The following ST6GAL1 variants were observed in gnomAD, a reference collection of about 807,000 sequenced individuals.
ST6GAL1 encodes ST6 beta-galactoside alpha-2,6-sialyltransferase 1, also known as beta-galactoside alpha-2,6-sialyltransferase 1.
ST6GAL1 carries 20 observed loss-of-function variants against 38.0 expected under a neutral mutation model. The observed-to-expected ratio is 0.53, with a 90% confidence interval of 0.37 to 0.77. The LOEUF is 0.77. Ranked by LOEUF, ST6GAL1 falls within the 30% of genes least tolerant of loss-of-function variation. The pLI, the probability that ST6GAL1 is intolerant of heterozygous loss-of-function variation, is 0.00. For synonymous variants in ST6GAL1, 196 were observed against 188.2 expected, an observed-to-expected ratio of 1.04 and a Z score of -0.34; for missense variants, 432 against 496.4, an observed-to-expected ratio of 0.87 and a Z score of 1.23.
chr3:186,938,034 A>T (rs528470047), intron 1 of ST6GAL1, among the ~76,000 whole-genome samples: 1 of 152,334 alleles, frequency 6.6e-6, no homozygotes, highest in African/African-American at 2.4e-5. Flanking sequence ...AGATCGCACC[A>T]CTGCACTGCA....
intron 2 of ST6GAL1, among the ~76,000 whole-genome samples, chr3:187,024,432 C>CTA (rs61210528): frequency 4.8e-5 from 7 of 146,326 alleles, no homozygotes; most frequent in Non-Finnish European, 8.9e-5. Flanking sequence ...CACATATACT[C>CTA]TATATATATA....
intron 4 of ST6GAL1, among the ~76,000 whole-genome samples, chr3:187,048,232 C>G (rs746870025): frequency 6.6e-6 from 1 of 152,152 alleles, no homozygotes; most frequent in Non-Finnish European, 1.5e-5. Context: ...TGTGAGCCAC[C>G]GTGCCCAGCC....
intron 4 of ST6GAL1, among the ~76,000 whole-genome samples, chr3:187,046,165 GGTA>G (rs1579355171): frequency 6.6e-6 from 1 of 152,192 alleles, no homozygotes; most frequent in East Asian, 1.9e-4. Flanking sequence ...CCCAGGCTGT[GGTA>G]GCAGTGATGA....
intron 2 of ST6GAL1, among the ~76,000 whole-genome samples, chr3:187,000,365 C>T (rs574392554): frequency 3.4e-4 from 48 of 142,574 alleles, no homozygotes; most frequent in African/African-American, 1.2e-3. Context: ...GCCTGGCCAA[C>T]ATGGTGAAAC....
At chr3:187,066,799 C>G (rs899097745) in intron 5 of ST6GAL1, among the ~76,000 whole-genome samples, 1 of 152,108 alleles carries the variant, frequency 6.6e-6, no homozygotes, top group African/African-American at 2.4e-5. Flanking sequence ...TTATTCTCAG[C>G]ATGAACTCCT....
At chr3:187,038,635 C>G (rs1436141220) in intron 2 of ST6GAL1, 107 bp from the exon 3 acceptor site, 1 of 152,250 alleles carries the variant, frequency 6.6e-6, no homozygotes, top group Non-Finnish European at 1.5e-5. Context: ...GAGACCTAGC[C>G]TAGGTCTGCA....
chr3:186,987,765 T>C (rs372377711), intron 2 of ST6GAL1, among the ~76,000 whole-genome samples: 67 of 152,330 alleles, frequency 4.4e-4, no homozygotes, highest in African/African-American at 1.6e-3. Context: ...GGAAAATGCA[T>C]AGCACATGGT....
At chr3:187,001,190 G>A (rs1226350371) in intron 2 of ST6GAL1, among the ~76,000 whole-genome samples, 2 of 152,152 alleles carry the variant, frequency 1.3e-5, no homozygotes, top group Non-Finnish European at 2.9e-5. Flanking sequence ...GTTCCTACCC[G>A]AACCCTGGAC....
intron 1 of ST6GAL1, among the ~76,000 whole-genome samples, chr3:186,936,939 C>CAAAAAAAAAAAAAAAAAAAA (rs60914982): frequency 1.1e-5 from 1 of 87,962 alleles, no homozygotes; most frequent in African/African-American, 4.1e-5. Flanking sequence ...AAGACTGTCT[C>CAAAAAAAAAAAAAAAAAAAA]AAAAAAAAAA....
chr3:187,016,900 GA>G (rs1369372058), intron 2 of ST6GAL1, among the ~76,000 whole-genome samples: 1 of 152,198 alleles, frequency 6.6e-6, no homozygotes, highest in Non-Finnish European at 1.5e-5. Context: ...GGAGGAGACA[GA>G]AGTGAAAGGC....
At chr3:186,994,908 A>T (rs969034827) in intron 2 of ST6GAL1, among the ~76,000 whole-genome samples, 1 of 151,686 alleles carries the variant, frequency 6.6e-6, no homozygotes, top group Non-Finnish European at 1.5e-5. Context: ...GCCACTGCAC[A>T]CTCCAGCCTG....
At chr3:187,016,420 T>C (rs911122400) in intron 2 of ST6GAL1, among the ~76,000 whole-genome samples, 1 of 151,502 alleles carries the variant, frequency 6.6e-6, no homozygotes, top group African/African-American at 2.4e-5. Flanking sequence ...ATGTCAGGAG[T>C]GTGAGTGGAA....
chr3:187,031,669 A>G (rs943778585), intron 2 of ST6GAL1, among the ~76,000 whole-genome samples: 1 of 152,160 alleles, frequency 6.6e-6, no homozygotes, highest in African/African-American at 2.4e-5. Context: ...TTCTGACTTC[A>G]AGTCATCCAC....
rs1719488849 is a variant in ST6GAL1 at position 187,074,332 on chromosome 3, T to C, written c.978T>C (p.Leu326=). 3 of 1,581,600 alleles carry C rather than the reference T, an allele frequency of 1.9e-6. No individual in the cohort carries two copies. The East Asian group carries it at 6.8e-5, about 36-fold the overall frequency. ...IQPNPPSSGM[L]GIIIMMTLCD... ...CAAACCCCCCATCCTCTGGGATGCTTGGTGAGTTCATGTCGGGGAAAAGAC... is the reference window on the plus strand; with the variant it reads ...CAAACCCCCCATCCTCTGGGATGCTCGGTGAGTTCATGTCGGGGAAAAGAC... Residue 326 remains leucine, a splice_region_variant and synonymous_variant, in exon 7 of 8, where the codon CTT becomes CTC. Transcript: ENST00000169298.
At chr3:186,934,063 GAAGA>G (rs960266733) in intron 1 of ST6GAL1, among the ~76,000 whole-genome samples, 18 of 152,258 alleles carry the variant, frequency 1.2e-4, no homozygotes, top group African/African-American at 4.3e-4. Flanking sequence ...TGAGAAGACA[GAAGA>G]GAGAGGCGCC....
rs1718505967 is a variant in ST6GAL1 at position 187,051,311 on chromosome 3, G to A, written c.670G>A (p.Gly224Ser). 1 of 1,614,100 alleles carries A rather than the reference G, an allele frequency of 6.2e-7. No individual in the cohort carries two copies. Among genetic ancestry groups the A allele is most frequent in the Non-Finnish European group, 8.5e-7 (1 of 1,180,000 alleles). The part of the protein sequence containing the change: ...APTANFQQDV[G>S]TKTTIRLMNS... Reference sequence around the variant, plus strand: ...CACAGCCAACTTCCAACAAGATGTGGGCACAAAAACTACCATTCGCCTGAT... The same window carrying A: ...CACAGCCAACTTCCAACAAGATGTGAGCACAAAAACTACCATTCGCCTGAT... Residue 224 changes from glycine (G) to serine (S), a missense_variant, in exon 5 of 8, where the codon GGC (glycine) becomes AGC (serine). Transcript: ENST00000169298.
intron 4 of ST6GAL1, among the ~76,000 whole-genome samples, chr3:187,051,041 C>CT (rs1268498262): frequency 6.6e-6 from 1 of 152,186 alleles, no homozygotes; most frequent in Admixed American, 6.5e-5. Flanking sequence ...CCCTTCAGCC[C>CT]TTACAGTGGC....
chr3:187,068,545 G>A (rs911343904), intron 5 of ST6GAL1, among the ~76,000 whole-genome samples: 3 of 152,184 alleles, frequency 2.0e-5, no homozygotes, highest in Admixed American at 6.5e-5. Context: ...ACAGTACCTA[G>A]CATGTAGTAA....
chr3:186,945,251 A>G (rs1270440808), intron 1 of ST6GAL1, among the ~76,000 whole-genome samples: 3 of 151,430 alleles, frequency 2.0e-5, no homozygotes, highest in Non-Finnish European at 4.4e-5. Context: ...GGCTGCAGTG[A>G]GCTATGATTG....
Sources: allele counts gnomAD v4.1 joint callset (sites outside exome capture counted in the v4.1 genomes callset), GRCh38; gene constraint gnomAD v4.1.1; transcripts MANE v1.5; gene names NCBI Gene and HGNC (gene_info 2026-07-23, HGNC 2026-07-21).